Variants in MIPOL1 observed in about 807,000 individuals in gnomAD.
The protein encoded by MIPOL1 is mirror-image polydactyly 1.
MIPOL1 carries 57 observed loss-of-function variants against 60.9 expected under a neutral mutation model. That is an observed-to-expected ratio of 0.94 (90% confidence interval 0.76 to 1.17). The LOEUF is 1.17. Ranked by LOEUF, MIPOL1 falls within the 50% of genes most tolerant of loss-of-function variation. The probability of loss-of-function intolerance (pLI) is 0.00; values close to 1 mark genes in which losing one functional copy is unlikely to be tolerated. For missense variants in MIPOL1, 551 were observed against 511.6 expected, an observed-to-expected ratio of 1.08 and a Z score of -0.74; for synonymous variants, 179 against 168.8, an observed-to-expected ratio of 1.06 and a Z score of -0.47.
intron 12 of MIPOL1, among the ~76,000 whole-genome samples, chr14:37,540,221 G>A (rs1007122821): frequency 1.3e-5 from 2 of 152,100 alleles, no homozygotes; most frequent in Non-Finnish European, 2.9e-5. Flanking sequence ...CTTTCTGTAT[G>A]ACTTTTCAAC....
In MIPOL1 at chr14:37,224,975, C is replaced by A. The variant is rs1969456296; in HGVS notation, c.-198-22128C>A. Among the ~76,000 whole-genome samples, 4 of 152,272 alleles carry A rather than the reference C, an allele frequency of 2.6e-5. No individual in the cohort carries two copies. The South Asian group carries it at 8.3e-4, about 32-fold the overall frequency. ...TTGGCCAAAACAAAGGAGCTACAGG[C>A]CCCATGCAAGCCCAAAATCCAGTGG... is the stretch of plus-strand genomic sequence containing the variant. On this transcript the variant is annotated intron_variant, in intron 1 of 12. Transcript: ENST00000684589.
chr14:37,482,986 T>C (rs2094893657), intron 11 of MIPOL1, among the ~76,000 whole-genome samples: 1 of 152,144 alleles, frequency 6.6e-6, no homozygotes, highest in Non-Finnish European at 1.5e-5. Context: ...CACATCCTCC[T>C]ATATACCTTA....
At chr14:37,320,804 A>G (rs1477027431) in intron 9 of MIPOL1, among the ~76,000 whole-genome samples, 2 of 152,038 alleles carry the variant, frequency 1.3e-5, no homozygotes, top group Non-Finnish European at 2.9e-5. Context: ...TTTTCTTCAT[A>G]TAGATGCCTA....
chr14:37,408,737 A>G (rs1053576922), intron 10 of MIPOL1, among the ~76,000 whole-genome samples: 4 of 152,186 alleles, frequency 2.6e-5, no homozygotes, highest in African/African-American at 7.2e-5. Flanking sequence ...GATGGTTGTG[A>G]TATGTGTTAA....
At chr14:37,464,194 T>C (rs897852813) in intron 11 of MIPOL1, among the ~76,000 whole-genome samples, 4 of 152,190 alleles carry the variant, frequency 2.6e-5, no homozygotes, top group Non-Finnish European at 5.9e-5. Context: ...GAAAACAGTA[T>C]GGAGATTTCT....
At chr14:37,401,376 T>C (rs968703548) in intron 10 of MIPOL1, 1 of 152,126 alleles carries the variant, frequency 6.6e-6, no homozygotes, top group South Asian at 2.1e-4. Flanking sequence ...TATATACATA[T>C]GCTAAATATA....
intron 11 of MIPOL1, among the ~76,000 whole-genome samples, chr14:37,483,269 C>G (rs112671146): frequency 1.3e-5 from 2 of 151,216 alleles, no homozygotes; most frequent in Non-Finnish European, 3.0e-5. Context: ...TATGCCACCA[C>G]GCCTGGCTAA....
chr14:37,243,261 G>A (rs538537861), intron 1 of MIPOL1, among the ~76,000 whole-genome samples: 1 of 152,152 alleles, frequency 6.6e-6, no homozygotes, highest in East Asian at 1.9e-4. Context: ...TCATAGCTCT[G>A]AGGAACTTGA....
At chr14:37,262,681 C>G (rs1195659255) in intron 3 of MIPOL1, among the ~76,000 whole-genome samples, 1 of 152,126 alleles carries the variant, frequency 6.6e-6, no homozygotes, top group Non-Finnish European at 1.5e-5. Flanking sequence ...TCTTAAGAGG[C>G]AGGCGATCCA....
intron 3 of MIPOL1, among the ~76,000 whole-genome samples, chr14:37,252,344 G>A (rs2153365278): frequency 6.6e-6 from 1 of 152,010 alleles, no homozygotes; most frequent in Admixed American, 6.6e-5. Flanking sequence ...GAATGGCTGT[G>A]TAAATAGAAT....
intron 9 of MIPOL1, among the ~76,000 whole-genome samples, chr14:37,317,591 G>T (rs1357375229): frequency 1.3e-5 from 2 of 152,104 alleles, no homozygotes; most frequent in Admixed American, 1.3e-4. Flanking sequence ...GAGTGATGAG[G>T]CACATAGAAA....
At chr14:37,253,356 A>G (rs1319509983) in intron 3 of MIPOL1, among the ~76,000 whole-genome samples, 1 of 151,748 alleles carries the variant, frequency 6.6e-6, no homozygotes, top group Admixed American at 6.6e-5. Context: ...ATAGAGAGAT[A>G]ATCTATTTAG....
chr14:37,403,652 G>T (rs2093533495), intron 10 of MIPOL1, among the ~76,000 whole-genome samples: 1 of 151,808 alleles, frequency 6.6e-6, no homozygotes, highest in African/African-American at 2.4e-5. Context: ...AGAAAGTTTG[G>T]TTCTGTTCAT....
chr14:37,512,454 G>A (rs2095335947), intron 12 of MIPOL1, among the ~76,000 whole-genome samples: 1 of 150,354 alleles, frequency 6.7e-6, no homozygotes, highest in Non-Finnish European at 1.5e-5. Flanking sequence ...AAGAGGAACA[G>A]AGCATTTCTA....
chr14:37,518,377 T>G lies in MIPOL1; in HGVS notation c.1262+18239T>G, dbSNP rs116758677. ...TATTAATTTTTTTGAGACAGAGTCT[T>G]ACTCTGGAGTGCAGTGGCGGGATCT... is the stretch of plus-strand genomic sequence containing the variant. On this transcript the variant is annotated intron_variant, in intron 12 of 12. Transcript: ENST00000684589. Among the ~76,000 whole-genome samples the G allele has an allele frequency of 7.0e-3, 1,067 of 152,304 alleles. 12 individuals are homozygous for G. Among genetic ancestry groups the G allele is most frequent in the African/African-American group, 0.025 (1,025 of 41,558 alleles).
chr14:37,296,232 A>G (rs2085662662), intron 7 of MIPOL1, among the ~76,000 whole-genome samples: 1 of 152,242 alleles, frequency 6.6e-6, no homozygotes, highest in African/African-American at 2.4e-5. Context: ...TGAAGGCAGA[A>G]ATAAAGATGT....
chr14:37,206,658 G>A (rs988249468), intron 1 of MIPOL1, among the ~76,000 whole-genome samples: 1 of 152,220 alleles, frequency 6.6e-6, no homozygotes, highest in African/African-American at 2.4e-5. Flanking sequence ...ATACGTGAAA[G>A]CAGCTGGGAG....
At position 37,267,185 on chromosome 14, in the gene MIPOL1, C is replaced by G; in HGVS notation, c.251+16C>G. 1 of 1,592,736 alleles carries G rather than the reference C, an allele frequency of 6.3e-7. No individual in the cohort carries two copies. ...AAAAATACAAGTAAGTGCTCACAGC[C>G]TTAGATTTAGAAGGAATTGGGGCCA... On this transcript the variant is annotated intron_variant, in intron 4 of 12. Transcript: ENST00000684589.
chr14:37,240,572 A>C (rs956291924), intron 1 of MIPOL1: 5 of 152,210 alleles, frequency 3.3e-5, no homozygotes, highest in Non-Finnish European at 7.3e-5. Flanking sequence ...ACTATTCTGT[A>C]AGATGACTTT....
Sources: gnomAD v4.1 joint callset for allele counts (sites outside exome capture counted in the v4.1 genomes callset) on GRCh38, gnomAD v4.1.1 for gene constraint, MANE v1.5 for transcripts, NCBI Gene and HGNC (gene_info 2026-07-23, HGNC 2026-07-21) for gene names.